Variants in CAMTA1 observed in about 807,000 individuals in gnomAD.
The protein encoded by CAMTA1 is calmodulin-binding transcription activator 1.
In CAMTA1, 27 loss-of-function variants were observed where a neutral mutation model predicts 170.9. The ratio of observed to expected loss-of-function variants is 0.16; its 90% CI spans 0.12 to 0.22. The LOEUF is 0.22. Ranked by LOEUF, CAMTA1 falls within the 10% of genes least tolerant of loss-of-function variation. The pLI is 1.00. For missense variants in CAMTA1, 1,619 were observed against 2,217.2 expected (o/e 0.73, Z 5.42); for synonymous variants, 833 against 891.5 (o/e 0.93, Z 1.17).
At chr1:7,603,882 T>C (rs1257205393) in intron 6 of CAMTA1, among the ~76,000 whole-genome samples, 3 of 152,232 alleles carry the variant, frequency 2.0e-5, no homozygotes, top group Non-Finnish European at 2.9e-5. Flanking sequence ...GGCCTGGTGG[T>C]AACAAAATCT....
At chr1:7,310,600 T>TTTCTTTCTTTC (rs1553129303) in intron 5 of CAMTA1, among the ~76,000 whole-genome samples, 2 of 54,548 alleles carry the variant, frequency 3.7e-5, no homozygotes, top group African/African-American at 2.2e-4. Flanking sequence ...TTTTCTTTTC[T>TTTCTTTCTTTC]TTTCTTTCTT....
chr1:7,402,084 A>G lies in CAMTA1; in HGVS notation c.439-65746A>G, dbSNP rs143112378. ...TTAAAGATGAGTGACTAAGGCAGCA[A>G]GGGTGTCAGCACTCTGACATGAATA... On this transcript the variant is annotated intron_variant, in intron 5 of 22. Transcript: ENST00000303635. Among the ~76,000 whole-genome samples the G allele has an allele frequency of 1.4e-4, 22 of 152,350 alleles. No homozygotes were observed. In the East Asian group the frequency reaches 4.2e-3, roughly 29 times the overall value.
At chr1:7,255,469 T>G (rs1225275254) in intron 5 of CAMTA1, among the ~76,000 whole-genome samples, 3 of 152,084 alleles carry the variant, frequency 2.0e-5, no homozygotes, top group African/African-American at 7.2e-5. Context: ...TAGGTCCACA[T>G]TGTCTTAGCC....
intron 4 of CAMTA1, among the ~76,000 whole-genome samples, chr1:7,230,256 C>T (rs2149194759): frequency 6.6e-6 from 1 of 152,164 alleles, no homozygotes; most frequent in South Asian, 2.1e-4. Flanking sequence ...AAGGCCTTAG[C>T]AATTTGAGAG....
rs143205153 is a variant in CAMTA1, at chr1:7,000,255, C to T, written c.235-91049C>T. On this transcript the variant is annotated intron_variant, in intron 3 of 22. Coordinates refer to ENST00000303635, the MANE Select transcript of CAMTA1 (RefSeq NM_015215.4). ...CACTTCCCGGTCCTGCAGCCCCCTGCGTGGGGAGGACCCACTCATGCTTGT... is the reference window on the plus strand; with the variant it reads ...CACTTCCCGGTCCTGCAGCCCCCTGTGTGGGGAGGACCCACTCATGCTTGT... Among the ~76,000 whole-genome samples, 226 of 152,350 alleles carry T rather than the reference C, an allele frequency of 1.5e-3. 1 individual carries two copies. The highest frequency in any genetic ancestry group is 4.3e-3 in the African/African-American group (178 of 41,586).
intron 6 of CAMTA1, among the ~76,000 whole-genome samples, chr1:7,579,818 C>T (rs956774299): frequency 1.3e-5 from 2 of 152,178 alleles, no homozygotes; most frequent in Non-Finnish European, 2.9e-5. Context: ...CCTCGGCTTC[C>T]CCAAGTGCTG....
chr1:7,665,296 C>T lies in CAMTA1; in HGVS notation c.2652+97C>T. ...CAGCTAAGGGATGCCTGTGGCTGCC[C>T]TTCAGAGGAAGCTCTGGACCACAAA... On this transcript the variant is annotated intron_variant, in intron 9 of 22. Transcript: ENST00000303635. The surrounding 1 kb of genome is among the most constrained non-coding windows in gnomAD (Gnocchi z 4.3). 9.6e-7 allele frequency: 1 copy of T among 1,041,940 alleles called. No homozygotes were observed. Among genetic ancestry groups the T allele is most frequent in the Non-Finnish European group, 1.3e-6 (1 of 773,546 alleles). 64.5% of individuals were successfully genotyped at this position (1,041,940 alleles called of 1,614,324 possible).
chr1:7,747,039 T>C (rs1341604633), intron 18 of CAMTA1, among the ~76,000 whole-genome samples: 2 of 152,274 alleles, frequency 1.3e-5, no homozygotes, highest in Admixed American at 6.5e-5. Context: ...AAGTTATTAA[T>C]GTCACATTAA....
intron 5 of CAMTA1, among the ~76,000 whole-genome samples, chr1:7,413,423 T>C (rs1287195448): frequency 6.6e-6 from 1 of 152,314 alleles, no homozygotes; most frequent in Admixed American, 6.5e-5. Context: ...GTATCCTCTT[T>C]TATTTCATTG....
At chr1:6,849,376 G>A (rs1659536156) in intron 3 of CAMTA1, among the ~76,000 whole-genome samples, 1 of 152,122 alleles carries the variant, frequency 6.6e-6, no homozygotes, top group Non-Finnish European at 1.5e-5. Context: ...TTTCCTTGGA[G>A]AGTAGGAGAA....
chr1:7,740,965 A>G (rs1237279186), intron 16 of CAMTA1, among the ~76,000 whole-genome samples: 1 of 152,242 alleles, frequency 6.6e-6, no homozygotes, highest in African/African-American at 2.4e-5. Flanking sequence ...ATAATGAAAT[A>G]ATTTTAGAAA....
chr1:7,010,809 C>A lies in CAMTA1; in HGVS notation c.235-80495C>A, dbSNP rs143846293. ...TTTCTTGTACTCAGCTTCCCCATCA[C>A]CTTCCTTCCATTTCAGCAGAACCCT... On this transcript the variant is annotated intron_variant, in intron 3 of 22. Coordinates refer to ENST00000303635, the MANE Select transcript of CAMTA1 (RefSeq NM_015215.4). This position sits in a 1 kb window ranked among gnomAD's most constrained non-coding sequence, Gnocchi z 4.4. 5.5e-3 allele frequency among the ~76,000 whole-genome samples: 830 copies of A among 152,268 alleles called. 22 individuals carry two copies. The South Asian group carries it at 0.062, about 11-fold the overall frequency.
At position 7,768,945 on chromosome 1, in the gene CAMTA1, C is replaced by T. The variant is rs1031217819; in HGVS notation, c.*2454C>T. ...TATCTTTATTCCATTTATTATGGTA[C>T]AAATAACTGATGTTTTAACCAGAGT... On this transcript the variant is annotated 3_prime_UTR_variant, in exon 23 of 23. Coordinates refer to ENST00000303635, the MANE Select transcript of CAMTA1 (RefSeq NM_015215.4). 6.6e-6 allele frequency: 1 copy of T among 152,192 alleles called. No individual in the cohort carries two copies. The highest frequency in any genetic ancestry group is 2.4e-5 in the African/African-American group (1 of 41,372). The allele number at this position is 152,192 out of a possible 1,614,324, so 9.4% of individuals were successfully genotyped here.
At chr1:6,884,933 A>G (rs1321367870) in intron 3 of CAMTA1, among the ~76,000 whole-genome samples, 1 of 152,190 alleles carries the variant, frequency 6.6e-6, no homozygotes. Flanking sequence ...ACATGACAGA[A>G]AGCTCAGTTA....
At chr1:7,053,585 AC>A (rs1349500966) in intron 3 of CAMTA1, among the ~76,000 whole-genome samples, 1 of 151,758 alleles carries the variant, frequency 6.6e-6, no homozygotes, top group African/African-American at 2.4e-5. Flanking sequence ...CAGGATCTGC[AC>A]CCCCACCCGC....
intron 5 of CAMTA1, among the ~76,000 whole-genome samples, chr1:7,285,903 C>A (rs1672280797): frequency 6.6e-6 from 1 of 152,148 alleles, no homozygotes; most frequent in Non-Finnish European, 1.5e-5. Flanking sequence ...TAGGGGTGAC[C>A]ATGTACATTT....
At chr1:7,213,768 C>G (rs1659229229) in intron 4 of CAMTA1, among the ~76,000 whole-genome samples, 1 of 152,046 alleles carries the variant, frequency 6.6e-6, no homozygotes, top group Non-Finnish European at 1.5e-5. Context: ...CTCCGCCCAC[C>G]CCACAACAGG....
chr1:7,417,783 C>T (rs1484245280), intron 5 of CAMTA1, among the ~76,000 whole-genome samples: 3 of 152,098 alleles, frequency 2.0e-5, no homozygotes, highest in Non-Finnish European at 4.4e-5. Flanking sequence ...CACCCACTGT[C>T]CTGCACCCAC....
chr1:7,502,628 G>T (rs1327836920), intron 6 of CAMTA1, among the ~76,000 whole-genome samples: 1 of 152,110 alleles, frequency 6.6e-6, no homozygotes, highest in Non-Finnish European at 1.5e-5. Context: ...GTCGAGGAGT[G>T]GGGGGGCCTC....
Sources: allele counts gnomAD v4.1 joint callset (sites outside exome capture counted in the v4.1 genomes callset), GRCh38; gene constraint gnomAD v4.1.1; non-coding constraint Gnocchi (gnomAD v3.1); transcripts MANE v1.5; gene names NCBI Gene and HGNC (gene_info 2026-07-23, HGNC 2026-07-21).